The following SLC16A3 variants were observed in gnomAD, a reference collection of about 807,000 sequenced individuals.
The protein encoded by SLC16A3 is solute carrier family 16 member 3.
Under a neutral mutation model 25.0 loss-of-function variants are expected in SLC16A3, and 22 were observed. The observed-to-expected ratio is 0.88, with a 90% CI of 0.63 to 1.26. The LOEUF (loss-of-function observed/expected upper bound fraction) is 1.26, where lower values mean the gene tolerates loss of function less well. SLC16A3 is among the 50% of genes most tolerant of loss of function. The pLI is 0.00. For synonymous variants in SLC16A3, 390 were observed against 309.2 expected, an observed-to-expected ratio of 1.26 and a Z score of -2.74; for missense variants, 731 against 666.6, an observed-to-expected ratio of 1.10 and a Z score of -1.06.
At position 82,236,399 on chromosome 17, in the gene SLC16A3, G is replaced by A. The variant is rs1209569464; in HGVS notation, c.223+168G>A. The A allele has an allele frequency of 4.4e-6, 3 of 685,478 alleles. No individual in the cohort carries two copies. The East Asian group carries it at 8.1e-5, about 19-fold the overall frequency. The allele number at this position is 685,478 out of a possible 1,614,324, so 42.5% of individuals were successfully genotyped here. A position where few individuals can be genotyped will look rare whatever the true frequency, so the allele number is the denominator to read the frequency against. On this transcript the variant is annotated intron_variant, in intron 2 of 4. Transcript: ENST00000582743. ...CTGGGCAGCAACATGCTCTCCACGGGGCCAACCCAGGCAGGGCGCGAAGTC... is the reference window on the plus strand; with the variant it reads ...CTGGGCAGCAACATGCTCTCCACGGAGCCAACCCAGGCAGGGCGCGAAGTC...
chr17:82,237,451 C>T lies in SLC16A3; in HGVS notation c.681C>T (p.Gly227=), dbSNP rs1321245693. 7 of 1,603,174 alleles carry T rather than the reference C, an allele frequency of 4.4e-6. No homozygotes were observed. The South Asian group carries it at 7.8e-5, about 18-fold the overall frequency. ...ACCTGAGCGTCTTCCGGGACCGCGG[C>T]TTTGTGCTTTACGCCGTGGCCGCCT... ...LLDLSVFRDR[G]FVLYAVAASV... Residue 227 remains glycine (G), a synonymous_variant, in exon 4 of 5, where the codon GGC becomes GGT. Transcript: ENST00000582743.
At chr17:82,226,271 C>G (rs1398308128), upstream of SLC16A3, among the ~76,000 whole-genome samples, 1 of 152,082 alleles carries the variant, frequency 6.6e-6, no homozygotes, top group East Asian at 1.9e-4. Context: ...TGCTCACTGG[C>G]CAGGGATGGT....
upstream of SLC16A3, among the ~76,000 whole-genome samples, chr17:82,226,800 G>C (rs143157257): frequency 3.3e-3 from 510 of 152,244 alleles, 9 homozygotes; most frequent in Non-Finnish European, 4.6e-3. Context: ...CGGAGGCTCT[G>C]GCCCCACCCC....
chr17:82,229,348 C>G (rs2050457396), intron 1 of SLC16A3: 1 of 152,188 alleles, frequency 6.6e-6, no homozygotes, highest in Admixed American at 6.5e-5. Flanking sequence ...CTCGTCTCCC[C>G]CGGTCCGGCC....
upstream of SLC16A3, chr17:82,228,910 C>G (rs1158799159): frequency 1.3e-5 from 2 of 149,930 alleles, no homozygotes; most frequent in Non-Finnish European, 1.5e-5. Context: ...AGCTGCGGCC[C>G]GGGAGCCCGT....
chr17:82,235,969 G>T lies in SLC16A3; in HGVS notation c.-26-14G>T, dbSNP rs1404725521. On this transcript the variant is annotated splice_polypyrimidine_tract_variant and intron_variant, in intron 1 of 4. Coordinates refer to ENST00000582743, the MANE Select transcript of SLC16A3 (RefSeq NM_004207.4). Reference sequence around the variant, plus strand: ...TCACCCGGGCAGCCTGAGTCAGCCTGCTTTCTCTCTCAGGTGAGGCGGAAC... The same window carrying T: ...TCACCCGGGCAGCCTGAGTCAGCCTTCTTTCTCTCTCAGGTGAGGCGGAAC... 2.6e-6 allele frequency: 4 copies of T among 1,560,282 alleles called. No homozygotes were observed. Among genetic ancestry groups the T allele is most frequent in the Non-Finnish European group, 3.5e-6 (4 of 1,145,358 alleles).
Position 82,237,201 on chromosome 17 carries a change from G to T in SLC16A3, c.431G>T (p.Arg144Leu). The T allele has an allele frequency of 6.5e-7, 1 of 1,532,460 alleles. No homozygotes were observed. The highest frequency in any genetic ancestry group is 2.4e-5 in the East Asian group (1 of 41,438). The allele number at this position is 1,532,460 out of a possible 1,614,324, so 94.9% of individuals were successfully genotyped here. A position where few individuals can be genotyped will look rare whatever the true frequency, so the allele number is the denominator to read the frequency against. The change falls in exon 4 of 5, where the codon CGG (arginine) becomes CTG (leucine). Residue 144 changes from arginine to leucine, a missense_variant. Physicochemically the swap from Arg to Leu is moderately radical, Grantham distance 102. Transcript: ENST00000582743. ...LIMLNRYFSK[R>L]RPMANGLAAA... is the part of the protein sequence containing the mutation. ...ATGCTGAACCGCTACTTCAGCAAGC[G>T]GCGCCCCATGGCCAACGGGCTGGCG...
At chr17:82,236,989 C>A in intron 3 of SLC16A3, 117 bp downstream of exon 3, 1 of 1,479,326 alleles carries the variant, frequency 6.8e-7, no homozygotes, top group Non-Finnish European at 9.1e-7. Flanking sequence ...GGTGTCCCGG[C>A]CCCACCTCGT....
intron 1 of SLC16A3, among the ~76,000 whole-genome samples, chr17:82,223,004 G>A (rs973120044): frequency 6.6e-6 from 1 of 152,058 alleles, no homozygotes; most frequent in Non-Finnish European, 1.5e-5. Context: ...GGGGGGTGCT[G>A]TGGGAAGGAG....
upstream of SLC16A3, among the ~76,000 whole-genome samples, chr17:82,223,936 A>G (rs1056092533): frequency 6.6e-6 from 1 of 151,846 alleles, no homozygotes; most frequent in Non-Finnish European, 1.5e-5. Context: ...AGCTGCTCTC[A>G]TCAGACCATG....
intron 1 of SLC16A3, chr17:82,229,708 G>C (rs374459246): frequency 2.0e-5 from 3 of 152,430 alleles, no homozygotes; most frequent in East Asian, 3.9e-4. Flanking sequence ...TCCACCCCTG[G>C]CCCCCAGCTC....
Position 82,237,891 on chromosome 17 carries a change from G to C in SLC16A3, c.1121G>C (p.Gly374Ala). 1 of 1,597,804 alleles carries C rather than the reference G, an allele frequency of 6.3e-7. No individual in the cohort carries two copies. The highest frequency in any genetic ancestry group is 8.5e-7 in the Non-Finnish European group (1 of 1,179,512). Residue 374 changes from glycine (G) to alanine (A), a missense_variant and splice_region_variant, in exon 4 of 5, where the codon GGA (glycine) becomes GCA (alanine). Gly to Ala is a moderately conservative substitution (Grantham distance 60, BLOSUM62 0). Transcript: ENST00000582743. ...GCCGTGCTCGTCGGGCCCCCTTCGG[G>C]AGGTGAGCGCTGCGCCCCCAGGCAG... Reference protein sequence around the residue: ...AVAVLVGPPSGGKLLDATHVY... With the variant: ...AVAVLVGPPSAGKLLDATHVY...
chr17:82,238,708 T>G lies in SLC16A3; in HGVS notation c.1130T>G (p.Leu377Arg). 6.2e-7 allele frequency: 1 copy of G among 1,608,934 alleles called. No homozygotes were observed. Among genetic ancestry groups the G allele is most frequent in the Non-Finnish European group, 8.5e-7 (1 of 1,178,070 alleles). Reference sequence around the variant, plus strand: ...TGACGGGGTCTTCCCGCAGGCAAACTCCTGGATGCGACCCACGTCTACATG... The same window carrying G: ...TGACGGGGTCTTCCCGCAGGCAAACGCCTGGATGCGACCCACGTCTACATG... Reference protein sequence around the residue: ...VLVGPPSGGKLLDATHVYMYV... With the variant: ...VLVGPPSGGKRLDATHVYMYV... The change falls in exon 5 of 5, where the codon CTC becomes CGC. Residue 377 changes from leucine to arginine, a missense_variant. Leu to Arg is a moderately radical substitution (Grantham distance 102, BLOSUM62 -2). Transcript: ENST00000582743.
At position 82,240,048 on chromosome 17, in the gene SLC16A3, C is replaced by G. The variant is rs1159859377; in HGVS notation, c.*1072C>G. 1 of 1,233,698 alleles carries G rather than the reference C, an allele frequency of 8.1e-7. No homozygotes were observed. The highest frequency in any genetic ancestry group is 1.0e-6 in the Non-Finnish European group (1 of 987,912). 76.4% of individuals were successfully genotyped at this position (1,233,698 alleles called of 1,614,324 possible). On this transcript the variant is annotated 3_prime_UTR_variant, in exon 5 of 5. Transcript: ENST00000582743. ...GGGCCGCGTGCAGCCGGAGAGATGC[C>G]ATGTCCCTGCTCCTCTGCAATGAAA...
At chr17:82,223,212 G>A (rs1239139249) in intron 1 of SLC16A3, among the ~76,000 whole-genome samples, 6 of 147,114 alleles carry the variant, frequency 4.1e-5, no homozygotes, top group Admixed American at 6.6e-5. Flanking sequence ...ACGGAGTTTC[G>A]CTCTTTGTTA....
intron 1 of SLC16A3, chr17:82,231,852 C>G (rs967486379): frequency 2.6e-5 from 4 of 152,272 alleles, no homozygotes; most frequent in African/African-American, 9.7e-5. Flanking sequence ...ACGGGCTGCG[C>G]GAGGGGTCTG....
intron 1 of SLC16A3, chr17:82,231,143 T>TGGCGG (rs1272305180): frequency 1.3e-5 from 2 of 151,676 alleles, no homozygotes; most frequent in Non-Finnish European, 2.9e-5. Flanking sequence ...GTCCCGCGGC[T>TGGCGG]GGCGGGGCGG....
chr17:82,221,326 G>A (rs945740197), intron 1 of SLC16A3, among the ~76,000 whole-genome samples: 2 of 152,156 alleles, frequency 1.3e-5, no homozygotes, highest in Non-Finnish European at 2.9e-5. Flanking sequence ...TTGGGAGGCT[G>A]AGGCAGGCGA....
intron 1 of SLC16A3, among the ~76,000 whole-genome samples, chr17:82,222,068 C>G (rs58666250): frequency 0.017 from 683 of 41,264 alleles, 6 homozygotes; most frequent in African/African-American, 0.045. Context: ...GGACAGGAGC[C>G]TCGCCCTGGG....
Sources: allele counts gnomAD v4.1 joint callset (sites outside exome capture counted in the v4.1 genomes callset), GRCh38; gene constraint gnomAD v4.1.1; transcripts MANE v1.5; gene names NCBI Gene and HGNC (gene_info 2026-07-23, HGNC 2026-07-21).